NDUFA12: variants seen among roughly 807,000 people sequenced by gnomAD.
The protein encoded by NDUFA12 is NADH dehydrogenase [ubiquinone] 1 alpha subcomplex subunit 12.
NDUFA12 carries 17 observed loss-of-function variants against 20.3 expected under a neutral mutation model. The observed-to-expected ratio is 0.84, with a 90% CI of 0.57 to 1.26. NDUFA12 has a LOEUF of 1.26. NDUFA12 is among the 50% of genes most tolerant of loss of function. The pLI is 0.00. For synonymous variants in NDUFA12, 72 were observed against 63.6 expected (o/e 1.13, Z -0.63); for missense variants, 191 against 183.7 (o/e 1.04, Z -0.23).
chr12:95,001,596 C>T (rs925705134), intron 2 of NDUFA12, among the ~76,000 whole-genome samples: 2 of 152,076 alleles, frequency 1.3e-5, no homozygotes, highest in African/African-American at 4.8e-5. Context: ...TCACTGCACT[C>T]TAGACTGGGT....
chr12:94,971,778 A>G (rs1433424029), intron 3 of NDUFA12, 158 bp from the exon 4 acceptor site: 1 of 830,614 alleles, frequency 1.2e-6, no homozygotes, highest in East Asian at 2.4e-5. Context: ...GATTTTTTCC[A>G]TCTGAACATC....
intron 3 of NDUFA12, among the ~76,000 whole-genome samples, chr12:94,983,581 C>T (rs903496514): frequency 6.6e-6 from 1 of 152,134 alleles, no homozygotes. Flanking sequence ...CCTTGTGAGA[C>T]CCTGAGCCTG....
chr12:94,995,779 A>G (rs1874804675), intron 2 of NDUFA12, among the ~76,000 whole-genome samples: 1 of 152,178 alleles, frequency 6.6e-6, no homozygotes, highest in Non-Finnish European at 1.5e-5. Context: ...TTACAGTAGC[A>G]TCATTCCTAA....
At chr12:94,990,579 T>C (rs1410711645) in intron 3 of NDUFA12, among the ~76,000 whole-genome samples, 1 of 152,086 alleles carries the variant, frequency 6.6e-6, no homozygotes, top group East Asian at 1.9e-4. Flanking sequence ...TGTACAACCA[T>C]GCCTGGCTAA....
intron 2 of NDUFA12, among the ~76,000 whole-genome samples, chr12:94,995,576 C>A (rs1874796287): frequency 6.6e-6 from 1 of 152,176 alleles, no homozygotes; most frequent in African/African-American, 2.4e-5. Flanking sequence ...GTCGCCTAGG[C>A]TGGAGTGCAA....
chr12:94,984,027 G>T (rs1372703670), intron 3 of NDUFA12, among the ~76,000 whole-genome samples: 1 of 152,020 alleles, frequency 6.6e-6, no homozygotes, highest in African/African-American at 2.4e-5. Flanking sequence ...AGGCAAAATA[G>T]GGTAAGGAGG....
chr12:94,999,777 A>G (rs919848263), intron 2 of NDUFA12, among the ~76,000 whole-genome samples: 7 of 152,230 alleles, frequency 4.6e-5, no homozygotes, highest in African/African-American at 1.4e-4. Context: ...ACAATGAGAT[A>G]GCACCTTACT....
chr12:94,998,126 A>T (rs1874897329), intron 2 of NDUFA12, among the ~76,000 whole-genome samples: 1 of 152,222 alleles, frequency 6.6e-6, no homozygotes, highest in South Asian at 2.1e-4. Context: ...CAAAAAGATA[A>T]TAATATATCA....
intron 2 of NDUFA12, among the ~76,000 whole-genome samples, chr12:94,998,328 C>A (rs1160641993): frequency 6.6e-6 from 1 of 152,014 alleles, no homozygotes; most frequent in African/African-American, 2.4e-5. Context: ...AAGGAACATA[C>A]CTCAAAGTAA....
chr12:94,972,454 G>A (rs1249471773), intron 3 of NDUFA12: 2 of 454,360 alleles, frequency 4.4e-6, no homozygotes, highest in Admixed American at 4.7e-5. Context: ...AGGTTACTCT[G>A]GCTCATGAAG....
At chr12:94,999,089 C>T (rs1054822246) in intron 2 of NDUFA12, among the ~76,000 whole-genome samples, 1 of 152,142 alleles carries the variant, frequency 6.6e-6, no homozygotes, top group Admixed American at 6.6e-5. Flanking sequence ...AATTATACTA[C>T]GAGGCTACAG....
At chr12:95,000,280 A>T (rs1477739000) in intron 2 of NDUFA12, among the ~76,000 whole-genome samples, 2 of 152,194 alleles carry the variant, frequency 1.3e-5, no homozygotes, top group Non-Finnish European at 2.9e-5. Context: ...AGCTATGAGG[A>T]TGCCAAGGTA....
chr12:94,993,788 G>C (rs1456127502), intron 3 of NDUFA12, among the ~76,000 whole-genome samples: 1 of 151,556 alleles, frequency 6.6e-6, no homozygotes, highest in African/African-American at 2.4e-5. Context: ...TACAAAATTA[G>C]CCAGGCGTGG....
In NDUFA12 at chr12:95,003,682, T is replaced by G. The variant is rs775936595; in HGVS notation, c.-2A>C. The G allele has an allele frequency of 9.3e-6, 15 of 1,614,040 alleles. No individual in the cohort carries two copies. The African/African-American group carries it at 1.9e-4, about 20-fold the overall frequency. On this transcript the variant is annotated 5_prime_UTR_variant, in exon 1 of 4. Transcript: ENST00000327772. ...TTTCAGGACCTGCACTAACTCCATC[T>G]TGCCTCGCTGGCCCCGCCTCCCGGG...
In NDUFA12 at chr12:95,000,816, CAT is replaced by C. The variant is rs904408200; in HGVS notation, c.169+1921_169+1922del. Among the ~76,000 whole-genome samples, 12 of 152,192 alleles carry C rather than the reference CAT, an allele frequency of 7.9e-5. No individual in the cohort carries two copies. The East Asian group carries it at 2.3e-3, about 29-fold the overall frequency. On this transcript the variant is annotated intron_variant, in intron 2 of 3. Transcript: ENST00000327772. Reference sequence around the variant, plus strand: ...TACTGGAATTTTTTTATATTACACACATCTTTGACATCTCTCTATATTAAATT... The same window carrying C: ...TACTGGAATTTTTTTATATTACACACCTTTGACATCTCTCTATATTAAATT...
chr12:94,980,643 G>A (rs2136061609), intron 3 of NDUFA12, among the ~76,000 whole-genome samples: 1 of 152,142 alleles, frequency 6.6e-6, no homozygotes, highest in Admixed American at 6.5e-5. Context: ...ATGTATTTAT[G>A]TATTACTTCA....
At chr12:94,985,332 AGTGGTTG>A (rs1874391072) in intron 3 of NDUFA12, among the ~76,000 whole-genome samples, 1 of 151,934 alleles carries the variant, frequency 6.6e-6, no homozygotes, top group Non-Finnish European at 1.5e-5. Context: ...CTTTAAAAAA[AGTGGTTG>A]GTAGGCCGGG....
intron 3 of NDUFA12, among the ~76,000 whole-genome samples, chr12:94,977,646 G>T (rs910914100): frequency 3.3e-5 from 5 of 151,986 alleles, no homozygotes; most frequent in Non-Finnish European, 2.9e-5. Flanking sequence ...TGCCATTTTT[G>T]GATCAGCTAA....
intron 3 of NDUFA12, 97 bp from the exon 4 acceptor site, chr12:94,971,717 GGGTT>G: frequency 7.2e-7 from 1 of 1,397,198 alleles, no homozygotes; most frequent in Non-Finnish European, 1.0e-6. Context: ...TTTGTTGCTT[GGGTT>G]CAAGCCTCAA....
Sources: allele counts gnomAD v4.1 joint callset (sites outside exome capture counted in the v4.1 genomes callset), GRCh38; gene constraint gnomAD v4.1.1; transcripts MANE v1.5; gene names NCBI Gene and HGNC (gene_info 2026-07-23, HGNC 2026-07-21).